VRK2: variants seen among roughly 807,000 people sequenced by gnomAD.
VRK2 encodes VRK serine/threonine kinase 2.
Under a neutral mutation model 57.6 loss-of-function variants are expected in VRK2, and 60 were observed. The ratio of observed to expected loss-of-function variants is 1.04; its 90% CI spans 0.85 to 1.29. The LOEUF (loss-of-function observed/expected upper bound fraction) is 1.29. Among genes scored for constraint, VRK2 ranks in the 50% most tolerant of loss-of-function variants. The pLI is 0.00. For missense variants in VRK2, 705 were observed against 588.1 expected (o/e 1.20, Z -2.06); for synonymous variants, 231 against 199.2 (o/e 1.16, Z -1.35).
At chr2:58,029,875 T>C (rs1266473485) in intron 2 of VRK2, among the ~76,000 whole-genome samples, 3 of 152,154 alleles carry the variant, frequency 2.0e-5, no homozygotes, top group Admixed American at 2.0e-4. Context: ...CCTTTCTGAA[T>C]ATTACTGAAC....
intron 12 of VRK2, among the ~76,000 whole-genome samples, chr2:58,148,908 C>G (rs1039669079): frequency 2.6e-5 from 4 of 151,822 alleles, no homozygotes; most frequent in Non-Finnish European, 5.9e-5. Context: ...CGCTTTACAG[C>G]AAGTTCTGAA....
chr2:57,961,752 T>C (rs2103999441), intron 1 of VRK2, among the ~76,000 whole-genome samples: 1 of 152,204 alleles, frequency 6.6e-6, no homozygotes, highest in South Asian at 2.1e-4. Flanking sequence ...TTTCCAGTTG[T>C]ACATAGAGAG....
chr2:57,933,663 GT>G (rs34738965), intron 1 of VRK2, among the ~76,000 whole-genome samples: 2 of 148,918 alleles, frequency 1.3e-5, no homozygotes, highest in East Asian at 2.0e-4. Flanking sequence ...TTTTTGGGTT[GT>G]TTTTTTTTTC....
At chr2:58,137,077 AAC>A (rs1358397611) in intron 10 of VRK2, among the ~76,000 whole-genome samples, 1 of 110,730 alleles carries the variant, frequency 9.0e-6, no homozygotes, top group African/African-American at 3.7e-5. Flanking sequence ...TATCATATAT[AAC>A]ATATATATGT....
At chr2:57,973,568 T>A (rs1294471738) in intron 1 of VRK2, among the ~76,000 whole-genome samples, 1 of 151,752 alleles carries the variant, frequency 6.6e-6, no homozygotes, top group Non-Finnish European at 1.5e-5. Flanking sequence ...TACCTCTCAA[T>A]AAGATGAAAG....
chr2:57,964,147 C>G (rs990766037), intron 1 of VRK2, among the ~76,000 whole-genome samples: 3 of 152,074 alleles, frequency 2.0e-5, no homozygotes, highest in African/African-American at 7.2e-5. Flanking sequence ...TTGACTCCCC[C>G]AAAACTTAGA....
intron 1 of VRK2, among the ~76,000 whole-genome samples, chr2:57,958,985 G>C (rs529217776): frequency 1.1e-4 from 17 of 152,200 alleles, no homozygotes; most frequent in African/African-American, 4.1e-4. Flanking sequence ...TGTTAATATA[G>C]GCCTGGATAT....
chr2:58,154,327 T>A (rs957008789), intron 12 of VRK2, among the ~76,000 whole-genome samples: 5 of 151,932 alleles, frequency 3.3e-5, no homozygotes, highest in African/African-American at 1.2e-4. Context: ...ATTTCTTTTT[T>A]TTTTAATTCT....
chr2:58,077,890 A>G (rs1670349563), intron 2 of VRK2, among the ~76,000 whole-genome samples: 1 of 152,132 alleles, frequency 6.6e-6, no homozygotes, highest in Non-Finnish European at 1.5e-5. Context: ...TACTTCCAGC[A>G]AAGAGATAGC....
intron 1 of VRK2, among the ~76,000 whole-genome samples, chr2:57,969,253 A>C (rs868399914): frequency 3.3e-5 from 5 of 152,126 alleles, no homozygotes; most frequent in Non-Finnish European, 4.4e-5. Flanking sequence ...ATTGGGAACT[A>C]ATAAAGTAGA....
intron 1 of VRK2, among the ~76,000 whole-genome samples, chr2:57,921,301 CA>C (rs1670339624): frequency 6.8e-6 from 1 of 147,720 alleles, no homozygotes; most frequent in African/African-American, 2.7e-5. Flanking sequence ...CACACACACA[CA>C]CACACACACT....
chr2:57,948,841 G>C (rs1343496513), intron 1 of VRK2, among the ~76,000 whole-genome samples: 1 of 152,030 alleles, frequency 6.6e-6, no homozygotes, highest in Non-Finnish European at 1.5e-5. Flanking sequence ...ATTTTGAAAG[G>C]TCTGAGAAGG....
intron 7 of VRK2, among the ~76,000 whole-genome samples, chr2:58,111,034 T>C (rs183873778): frequency 6.6e-6 from 1 of 152,284 alleles, no homozygotes; most frequent in African/African-American, 2.4e-5. Flanking sequence ...GCTTCTTTCT[T>C]GATGGGATTA....
chr2:58,076,744 C>G (rs527795652), intron 2 of VRK2, among the ~76,000 whole-genome samples: 169 of 151,632 alleles, frequency 1.1e-3, no homozygotes, highest in African/African-American at 4.0e-3. Context: ...TGGTTTTGCT[C>G]TCTTTCCAGT....
At chr2:58,031,379 G>C (rs1674105525) in intron 2 of VRK2, among the ~76,000 whole-genome samples, 1 of 152,010 alleles carries the variant, frequency 6.6e-6, no homozygotes, top group Non-Finnish European at 1.5e-5. Flanking sequence ...GATAGTATAG[G>C]ATGTCCTGAG....
intron 1 of VRK2, among the ~76,000 whole-genome samples, chr2:57,919,236 G>T (rs893405465): frequency 3.3e-5 from 5 of 151,690 alleles, no homozygotes; most frequent in African/African-American, 1.2e-4. Flanking sequence ...AAAAGATAAA[G>T]GTAAAAGAAA....
intron 1 of VRK2, among the ~76,000 whole-genome samples, chr2:57,942,283 G>A (rs2678897): frequency 0.68 from 103,300 of 152,134 alleles, 36,006 homozygotes; most frequent in African/African-American, 0.86. Flanking sequence ...TGAAATATTC[G>A]TGCCAAATTT....
At chr2:58,075,207 C>T (rs555736723) in intron 2 of VRK2, among the ~76,000 whole-genome samples, 5 of 152,010 alleles carry the variant, frequency 3.3e-5, no homozygotes, top group African/African-American at 7.2e-5. Context: ...ATCCATGTTG[C>T]GGCAAAGGAC....
At chr2:57,912,262 A>G (rs1272266941) in intron 1 of VRK2, among the ~76,000 whole-genome samples, 3 of 152,208 alleles carry the variant, frequency 2.0e-5, no homozygotes, top group Non-Finnish European at 2.9e-5. Context: ...TGAACAAGCC[A>G]TGTGTCTTAT....
Sources: gnomAD v4.1 joint callset for allele counts (sites outside exome capture counted in the v4.1 genomes callset) on GRCh38, gnomAD v4.1.1 for gene constraint, MANE v1.5 for transcripts, NCBI Gene and HGNC (gene_info 2026-07-23, HGNC 2026-07-21) for gene names.